Variants in SCEL observed in about 807,000 individuals in gnomAD.
SCEL encodes the protein sciellin.
Under a neutral mutation model 117.6 loss-of-function variants are expected in SCEL, and 113 were observed. The ratio of observed to expected loss-of-function variants is 0.96; its 90% CI spans 0.83 to 1.12. SCEL has a LOEUF of 1.12. Among genes scored for constraint, SCEL ranks in the 50% most tolerant of loss-of-function variants. The probability of loss-of-function intolerance (pLI) is 0.00; values close to 1 mark genes in which losing one functional copy is unlikely to be tolerated. For synonymous variants in SCEL, 270 were observed against 256.2 expected (o/e 1.05, Z -0.51); for missense variants, 785 against 810.8 (o/e 0.97, Z 0.39).
intron 30 of SCEL, among the ~76,000 whole-genome samples, chr13:77,640,402 A>G (rs1716093437): frequency 6.6e-6 from 1 of 152,082 alleles, no homozygotes; most frequent in Admixed American, 6.6e-5. Flanking sequence ...AGGAAACTGA[A>G]CATCTTTGTC....
At chr13:77,560,523 A>T (rs1371758738) in intron 4 of SCEL, among the ~76,000 whole-genome samples, 1 of 152,098 alleles carries the variant, frequency 6.6e-6, no homozygotes, top group East Asian at 1.9e-4. Context: ...AGAAATAACA[A>T]CTACAGAGTT....
intron 11 of SCEL, among the ~76,000 whole-genome samples, chr13:77,593,298 C>CGTCTG (rs1195863187): frequency 1.4e-5 from 1 of 73,676 alleles, no homozygotes; most frequent in Non-Finnish European, 2.8e-5. Flanking sequence ...GTGTGTGTGT[C>CGTCTG]TGTGTGTGTG....
chr13:77,626,179 G>C (rs547080054), intron 27 of SCEL, among the ~76,000 whole-genome samples: 1 of 152,170 alleles, frequency 6.6e-6, no homozygotes, highest in Non-Finnish European at 1.5e-5. Context: ...GTGGTGGCAG[G>C]CAAGAGAGCT....
At chr13:77,640,566 A>G (rs916987131) in intron 30 of SCEL, 110 bp from the exon 31 acceptor site, 10 of 430,870 alleles carry the variant, frequency 2.3e-5, no homozygotes, top group Non-Finnish European at 3.7e-5. Context: ...GAAATTTTCT[A>G]AAGTAAAGTA....
At chr13:77,547,993 C>T (rs1362390476) in intron 1 of SCEL, among the ~76,000 whole-genome samples, 3 of 152,294 alleles carry the variant, frequency 2.0e-5, no homozygotes, top group South Asian at 4.2e-4. Context: ...CTGGCCAAAA[C>T]CCCAGATGGT....
At chr13:77,622,778 C>T (rs776873978) in intron 27 of SCEL, among the ~76,000 whole-genome samples, 1 of 152,124 alleles carries the variant, frequency 6.6e-6, no homozygotes, top group Non-Finnish European at 1.5e-5. Context: ...GGGAAGATTG[C>T]TTGAGTCCAG....
intron 1 of SCEL, among the ~76,000 whole-genome samples, chr13:77,536,381 A>G (rs2083423682): frequency 6.6e-6 from 1 of 152,128 alleles, no homozygotes; most frequent in Non-Finnish European, 1.5e-5. Flanking sequence ...AAATAAGAAA[A>G]TCACCATTTC....
At chr13:77,550,144 G>A (rs1001657650) in intron 1 of SCEL, among the ~76,000 whole-genome samples, 2 of 151,652 alleles carry the variant, frequency 1.3e-5, no homozygotes, top group Non-Finnish European at 2.9e-5. Context: ...CCAGTACTTC[G>A]GGAGGCTGAG....
rs143820538 is a variant in SCEL at position 77,556,730 on chromosome 13, C to T, written c.161+17C>T. The T allele has an allele frequency of 1.2e-4, 183 of 1,550,032 alleles. 1 individual carries two copies. In the East Asian group the frequency reaches 2.1e-3, roughly 18 times the overall value. Reference sequence around the variant, plus strand: ...AGAAGAAAAGTAAGCTGGTGTGGAGCGTGGTGGGTGGACAGAAGGGCAGAG... The same window carrying T: ...AGAAGAAAAGTAAGCTGGTGTGGAGTGTGGTGGGTGGACAGAAGGGCAGAG... On this transcript the variant is annotated intron_variant, in intron 3 of 32. Coordinates refer to ENST00000349847, the MANE Select transcript of SCEL (RefSeq NM_144777.3).
At chr13:77,639,542 C>T (rs771604149) in intron 30 of SCEL, among the ~76,000 whole-genome samples, 7 of 152,258 alleles carry the variant, frequency 4.6e-5, no homozygotes, top group East Asian at 1.9e-4. Context: ...ACACAATGAG[C>T]GCATCAGATC....
At chr13:77,606,644 G>A (rs1309048580) in intron 19 of SCEL, 1 of 152,108 alleles carries the variant, frequency 6.6e-6, no homozygotes, top group Non-Finnish European at 1.5e-5. Context: ...TTCATTATTT[G>A]CATAACAAAG....
chr13:77,642,510 G>A (rs907910158), intron 31 of SCEL, among the ~76,000 whole-genome samples, 196 bp from the exon 32 acceptor site: 5 of 152,144 alleles, frequency 3.3e-5, no homozygotes, highest in African/African-American at 1.2e-4. Flanking sequence ...GTTTGTTTGA[G>A]ATATTGAGTG....
rs542811395 is a variant in SCEL, at chr13:77,594,698, A to T, written c.752+1125A>T. Reference sequence around the variant, plus strand: ...TCTTATTTGCCATTTACAGTGTGTGACATGATGCTTTGTACACAGTGTTTA... The same window carrying T: ...TCTTATTTGCCATTTACAGTGTGTGTCATGATGCTTTGTACACAGTGTTTA... On this transcript the variant is annotated intron_variant, in intron 12 of 32. Coordinates refer to ENST00000349847, the MANE Select transcript of SCEL (RefSeq NM_144777.3). 1.3e-3 allele frequency among the ~76,000 whole-genome samples: 200 copies of T among 152,372 alleles called. 5 individuals are homozygous for T. The South Asian group carries it at 0.041, about 31-fold the overall frequency.
intron 28 of SCEL, among the ~76,000 whole-genome samples, chr13:77,633,847 G>A (rs991380633): frequency 6.6e-6 from 1 of 152,202 alleles, no homozygotes; most frequent in Non-Finnish European, 1.5e-5. Context: ...GTTAGTGAAT[G>A]TGTCATTGTG....
rs756843646 is a variant in SCEL at position 77,609,131 on chromosome 13, A to C, written c.1277+14A>C. ...AAGTACTGAAGGGTAAGATTTAATAAGCTCCCTTTTTTGTTTCATAGTAAC... is the reference window on the plus strand; with the variant it reads ...AAGTACTGAAGGGTAAGATTTAATACGCTCCCTTTTTTGTTTCATAGTAAC... On this transcript the variant is annotated intron_variant, in intron 21 of 32. Transcript: ENST00000349847. The C allele has an allele frequency of 6.3e-7, 1 of 1,576,462 alleles. No homozygotes were observed. Among genetic ancestry groups the C allele is most frequent in the African/African-American group, 1.4e-5 (1 of 72,714 alleles).
intron 6 of SCEL, 53 bp downstream of exon 6, chr13:77,567,801 T>C (rs1022203134): frequency 8.8e-7 from 1 of 1,131,380 alleles, no homozygotes; most frequent in Non-Finnish European, 1.3e-6. Context: ...TTTTTCTAAG[T>C]GTTACCTATG....
At chr13:77,597,420 G>A (rs913568679) in intron 12 of SCEL, 125 bp from the exon 13 acceptor site, 10 of 587,088 alleles carry the variant, frequency 1.7e-5, no homozygotes, top group African/African-American at 4.0e-5. Context: ...GGATCATCAG[G>A]ATTTTCGCAG....
chr13:77,601,020 G>A (rs534998809), intron 15 of SCEL, among the ~76,000 whole-genome samples: 11 of 152,090 alleles, frequency 7.2e-5, no homozygotes, highest in African/African-American at 2.7e-4. Context: ...CATCACACAG[G>A]CTTGTTAATA....
intron 5 of SCEL, among the ~76,000 whole-genome samples, chr13:77,565,112 G>T (rs1053755607): frequency 6.6e-5 from 10 of 152,160 alleles, no homozygotes; most frequent in African/African-American, 2.4e-4. Context: ...CTAAGCTTTT[G>T]TAGGCTGTGC....
Sources: allele counts gnomAD v4.1 joint callset (sites outside exome capture counted in the v4.1 genomes callset), GRCh38; gene constraint gnomAD v4.1.1; transcripts MANE v1.5; gene names NCBI Gene and HGNC (gene_info 2026-07-23, HGNC 2026-07-21).